Variants in PAPLN observed in about 807,000 individuals in gnomAD.
The protein encoded by PAPLN is papilin.
In PAPLN, 146 loss-of-function variants were observed where a neutral mutation model predicts 159.0. That is an observed-to-expected ratio of 0.92 (90% CI 0.80 to 1.05). The LOEUF is 1.05. Among genes scored for constraint, PAPLN ranks in the 50% least tolerant of loss-of-function variants. The pLI is 0.00. For synonymous variants in PAPLN, 734 were observed against 702.9 expected, an observed-to-expected ratio of 1.04 and a Z score of -0.70; for missense variants, 1,720 against 1,743.9, an observed-to-expected ratio of 0.99 and a Z score of 0.24.
At chr14:73,268,089 A>T (rs1170816264) in intron 25 of PAPLN, among the ~76,000 whole-genome samples, 1 of 151,230 alleles carries the variant, frequency 6.6e-6, no homozygotes, top group Non-Finnish European at 1.5e-5. Context: ...TGCTTGCCGT[A>T]TGCTCCTTCT....
At position 73,268,533 on chromosome 14, in the gene PAPLN, CTCCCAGTG is replaced by C; in HGVS notation, c.3501-20_3501-13del. On this transcript the variant is annotated splice_polypyrimidine_tract_variant and intron_variant, in intron 25 of 26. Coordinates refer to ENST00000644200, the MANE Select transcript of PAPLN (RefSeq NM_001365906.3). ...AGACCTCCAGAGGCCCTTGATGGCT[CTCCCAGTG>C]TCCTCTCTCCTCCAGGAACGGGCTA... is the stretch of plus-strand genomic sequence containing the variant. 1 of 1,601,434 alleles carries C rather than the reference CTCCCAGTG, an allele frequency of 6.2e-7. No individual in the cohort carries two copies. Among genetic ancestry groups the C allele is most frequent in the Non-Finnish European group, 8.5e-7 (1 of 1,173,300 alleles).
Position 73,260,758 on chromosome 14 carries a change from G to A in PAPLN, c.2035G>A (p.Ala679Thr), listed in dbSNP as rs780842617. ...ATCTGTCGCTGAGGGGCCCCATCACGCTGGCTGCACAAAGTCGTATGGTGG... is the reference window on the plus strand; with the variant it reads ...ATCTGTCGCTGAGGGGCCCCATCACACTGGCTGCACAAAGTCGTATGGTGG... ...RVSVAEGPHH[A>T]GCTKSYGGDS... Residue 679 changes from alanine to threonine, a missense_variant, in exon 17 of 27, where the codon GCT (alanine) becomes ACT (threonine). By Grantham distance (58) the Ala-to-Thr change is moderately conservative. Coordinates refer to ENST00000644200, the MANE Select transcript of PAPLN (RefSeq NM_001365906.3). The A allele has an allele frequency of 6.8e-7, 1 of 1,475,424 alleles. No homozygotes were observed. The highest frequency in any genetic ancestry group is 9.0e-7 in the Non-Finnish European group (1 of 1,116,360). 91.4% of individuals were successfully genotyped at this position (1,475,424 alleles called of 1,614,324 possible). A position where few individuals can be genotyped will look rare whatever the true frequency, so the allele number is the denominator to read the frequency against.
chr14:73,236,621 A>G (rs568819419), upstream of PAPLN, among the ~76,000 whole-genome samples: 9 of 152,302 alleles, frequency 5.9e-5, no homozygotes, highest in South Asian at 1.2e-3. Context: ...GTTGGAGACC[A>G]GTCTGGCCAA....
chr14:73,246,352 T>A (rs1313386774), intron 5 of PAPLN, among the ~76,000 whole-genome samples, 177 bp downstream of exon 5: 1 of 148,362 alleles, frequency 6.7e-6, no homozygotes, highest in Non-Finnish European at 1.5e-5. Context: ...GGCAGCGACC[T>A]CCCAGAGTGC....
chr14:73,255,814 A>C (rs1436092179), intron 14 of PAPLN, among the ~76,000 whole-genome samples: 2 of 152,308 alleles, frequency 1.3e-5, no homozygotes, highest in East Asian at 3.9e-4. Flanking sequence ...GCTAAGAACC[A>C]GTGGCCTCAG....
At chr14:73,250,256 C>A (rs1885090447) in intron 6 of PAPLN, 142 bp downstream of exon 6, 10 of 1,173,962 alleles carry the variant, frequency 8.5e-6, no homozygotes, top group Non-Finnish European at 1.1e-5. Context: ...AGCCCAGCTC[C>A]TAGGGTACCT....
chr14:73,265,338 GC>G lies in PAPLN; in HGVS notation c.3126-28del. On this transcript the variant is annotated intron_variant, in intron 22 of 26. Coordinates refer to ENST00000644200, the MANE Select transcript of PAPLN (RefSeq NM_001365906.3). The surrounding 1 kb of genome is among the most constrained non-coding windows in gnomAD (Gnocchi z 4.1). ...GGAGTAGGCGGGGGCAACGGCAAGG[GC>G]CCCTCATGCTGTGGGCTGCTTGTTT... 6.3e-7 allele frequency: 1 copy of G among 1,598,788 alleles called. No individual in the cohort carries two copies.
intron 22 of PAPLN, 30 bp downstream of exon 22, chr14:73,264,756 C>A: frequency 3.1e-6 from 5 of 1,610,556 alleles, no homozygotes; most frequent in East Asian, 2.2e-5. Context: ...ATCTTGCCCT[C>A]CCCCACGCCA....
Position 73,245,313 on chromosome 14 carries a change from C to G in PAPLN, c.171-323C>G. ...TTATACTGATGTCCTGCTTAGATCG[C>G]AGGATGGCTGTGCCAAGCGGGTGGG... On this transcript the variant is annotated intron_variant, in intron 3 of 26. Coordinates refer to ENST00000644200, the MANE Select transcript of PAPLN (RefSeq NM_001365906.3). This position sits in a 1 kb window ranked among gnomAD's most constrained non-coding sequence, Gnocchi z 4.2. 1 of 362,138 alleles carries G rather than the reference C, an allele frequency of 2.8e-6. No homozygotes were observed. The highest frequency in any genetic ancestry group is 3.3e-5 in the South Asian group (1 of 29,962). 22.4% of individuals were successfully genotyped at this position (362,138 alleles called of 1,614,324 possible).
At chr14:73,264,533 CT>C in intron 21 of PAPLN, 54 bp from the exon 22 acceptor site, 1 of 1,558,892 alleles carries the variant, frequency 6.4e-7, no homozygotes, top group Non-Finnish European at 8.7e-7. Flanking sequence ...CCCGCCCTTC[CT>C]TCCACTCCCT....
At chr14:73,248,863 G>T (rs752247662) in intron 5 of PAPLN, among the ~76,000 whole-genome samples, 5 of 152,082 alleles carry the variant, frequency 3.3e-5, no homozygotes, top group Non-Finnish European at 5.9e-5. Context: ...AGGTACAGTG[G>T]CTCCTGCTTG....
chr14:73,247,984 CTG>C (rs60942606), intron 5 of PAPLN, among the ~76,000 whole-genome samples: 700 of 19,314 alleles, frequency 0.036, 16 homozygotes, highest in Non-Finnish European at 0.041. Flanking sequence ...CTCATATCCT[CTG>C]TGTGTGTGTG....
chr14:73,253,774 C>T lies in PAPLN; in HGVS notation c.1115C>T (p.Ala372Val), dbSNP rs140984682. The change falls in exon 12 of 27, where the codon GCA (alanine) becomes GTA (valine). Residue 372 changes from alanine to valine, a missense_variant. Physicochemically the swap from Ala to Val is moderately conservative, Grantham distance 64. Transcript: ENST00000644200. Reference sequence around the variant, plus strand: ...GCCAGCTGGAAGGCAGGGCCATGGGCACCCTGCTCAGCCTCCTGTGGAGGA... The same window carrying T: ...GCCAGCTGGAAGGCAGGGCCATGGGTACCCTGCTCAGCCTCCTGTGGAGGA... ...ETKRWKAGPW[A>V]PCSASCGGGS... 4.7e-4 allele frequency: 748 copies of T among 1,600,872 alleles called. 1 individual carries two copies. Among genetic ancestry groups the T allele is most frequent in the Admixed American group, 5.9e-4 (35 of 59,544 alleles).
At chr14:73,264,757 C>T in intron 22 of PAPLN, 31 bp downstream of exon 22, 3 of 1,610,608 alleles carry the variant, frequency 1.9e-6, no homozygotes, top group Non-Finnish European at 2.5e-6. Context: ...TCTTGCCCTC[C>T]CCCACGCCAG....
At chr14:73,254,828 C>G in intron 13 of PAPLN, 49 bp from the exon 14 acceptor site, 1 of 1,603,522 alleles carries the variant, frequency 6.2e-7, no homozygotes, top group Non-Finnish European at 8.5e-7. Flanking sequence ...GGGTCCCCGC[C>G]CCCAGCCTCG....
At chr14:73,264,140 G>A (rs915285940) in intron 20 of PAPLN, 71 bp from the exon 21 acceptor site, 82 of 1,604,400 alleles carry the variant, frequency 5.1e-5, no homozygotes, top group Middle Eastern at 3.3e-4. Flanking sequence ...CACGAGCACC[G>A]AGGCGGAGGG....
At chr14:73,267,663 G>A (rs940317345) in intron 25 of PAPLN, among the ~76,000 whole-genome samples, 6 of 152,240 alleles carry the variant, frequency 3.9e-5, no homozygotes, top group Non-Finnish European at 5.9e-5. Context: ...ACGCGATTGC[G>A]GAGGGCATCT....
Position 73,265,502 on chromosome 14 carries a change from T to C in PAPLN, c.3258T>C (p.Ser1086=). The stretch of plus-strand genomic sequence containing the variant: ...AGAGAGATGGGCAGCCTGTCTCTTC[T>C]CCCAGGTTTATTTGACTCCTCTCCC... ...EWQRDGQPVS[S]PRHQLQPDGS... The change falls in exon 23 of 27, where the codon TCT becomes TCC. Residue 1086 remains serine (S), a synonymous_variant. Transcript: ENST00000644200. The surrounding 1 kb of genome is among the most constrained non-coding windows in gnomAD (Gnocchi z 4.1). The C allele has an allele frequency of 6.2e-7, 1 of 1,613,680 alleles. No homozygotes were observed. Among genetic ancestry groups the C allele is most frequent in the Non-Finnish European group, 8.5e-7 (1 of 1,179,874 alleles).
rs897645701 is a variant in PAPLN at position 73,245,005 on chromosome 14, GC to G, written c.170+247del. On this transcript the variant is annotated intron_variant, in intron 3 of 26. Coordinates refer to ENST00000644200, the MANE Select transcript of PAPLN (RefSeq NM_001365906.3). The surrounding 1 kb of genome is among the most constrained non-coding windows in gnomAD (Gnocchi z 4.2). Reference sequence around the variant, plus strand: ...CCCCTGGTCTCCAGCTCCTGATGCTGCACCGGCCTGCAGTATGGCAGGTGCA... The same window carrying G: ...CCCCTGGTCTCCAGCTCCTGATGCTGACCGGCCTGCAGTATGGCAGGTGCA... 1.1e-4 allele frequency: 44 copies of G among 403,362 alleles called. No individual in the cohort carries two copies. The highest frequency in any genetic ancestry group is 1.8e-4 in the Non-Finnish European group (41 of 223,656). The allele number at this position is 403,362 out of a possible 1,614,324, so 25.0% of individuals were successfully genotyped here. A position where few individuals can be genotyped will look rare whatever the true frequency, so the allele number is the denominator to read the frequency against.
Sources: allele counts gnomAD v4.1 joint callset (sites outside exome capture counted in the v4.1 genomes callset), GRCh38; gene constraint gnomAD v4.1.1; non-coding constraint Gnocchi (gnomAD v3.1); transcripts MANE v1.5; gene names NCBI Gene and HGNC (gene_info 2026-07-23, HGNC 2026-07-21).